Variants in RGPD1 observed in about 807,000 individuals in gnomAD.
RGPD1 encodes the protein RANBP2-like and GRIP domain-containing protein 1.
In RGPD1, 7 loss-of-function variants were observed where a neutral mutation model predicts 40.6. That is an observed-to-expected ratio of 0.17 (90% confidence interval 0.10 to 0.32). The LOEUF (loss-of-function observed/expected upper bound fraction) is 0.32. Among genes scored for constraint, RGPD1 ranks in the 10% least tolerant of loss-of-function variants. The pLI, the probability that RGPD1 is intolerant of heterozygous loss-of-function variation, is 1.00. For synonymous variants in RGPD1, 24 were observed against 167.0 expected, an observed-to-expected ratio of 0.14 and a Z score of 6.60; for missense variants, 50 against 472.5, an observed-to-expected ratio of 0.11 and a Z score of 8.29.
chr2:86,945,070 TTC>T (rs1315634917), intron 1 of RGPD1, among the ~76,000 whole-genome samples: 1 of 151,962 alleles, frequency 6.6e-6, no homozygotes, highest in Non-Finnish European at 1.5e-5. Flanking sequence ...TTTAGAGCCT[TTC>T]TGAGATTCTT....
chr2:86,936,206 CTG>C (rs1558794507), intron 1 of RGPD1, among the ~76,000 whole-genome samples: 1 of 114,160 alleles, frequency 8.8e-6, no homozygotes, highest in African/African-American at 3.0e-5. Context: ...CGGGGTTTCA[CTG>C]TGTTAGCCAG....
intron 1 of RGPD1, among the ~76,000 whole-genome samples, chr2:86,919,973 G>C (rs1454781908): frequency 6.6e-6 from 1 of 151,234 alleles, no homozygotes; most frequent in East Asian, 1.9e-4. Context: ...GTGAGATACT[G>C]TTTTTAAGAG....
intron 22 of RGPD1, among the ~76,000 whole-genome samples, chr2:87,009,319 AAAAG>A (rs1347756263): frequency 8.6e-4 from 17 of 19,838 alleles, no homozygotes; most frequent in African/African-American, 1.5e-3. Context: ...AAAAAAAAAA[AAAAG>A]AGAAAGAAAC....
intron 1 of RGPD1, among the ~76,000 whole-genome samples, chr2:86,944,790 G>A (rs1441502031): frequency 1.3e-5 from 2 of 151,978 alleles, no homozygotes; most frequent in African/African-American, 2.4e-5. Context: ...TCACTGCAGC[G>A]TTGACGTCCT....
At chr2:86,916,305 A>G (rs1677795022) in intron 1 of RGPD1, among the ~76,000 whole-genome samples, 1 of 151,958 alleles carries the variant, frequency 6.6e-6, no homozygotes, top group East Asian at 1.9e-4. Context: ...AGAGCATGTG[A>G]AACATTTTAG....
At chr2:86,943,710 T>C (rs773424428) in intron 1 of RGPD1, among the ~76,000 whole-genome samples, 22 of 152,310 alleles carry the variant, frequency 1.4e-4, no homozygotes, top group Non-Finnish European at 2.4e-4. Flanking sequence ...GTTTTTATTG[T>C]TGATGTTAAA....
intron 1 of RGPD1, among the ~76,000 whole-genome samples, chr2:86,945,041 TAAAAA>T (rs1170415303): frequency 7.2e-6 from 1 of 139,486 alleles, no homozygotes; most frequent in East Asian, 2.1e-4. Flanking sequence ...TAAACAAGCT[TAAAAA>T]AAAAAAAAGC....
At chr2:86,913,800 C>A (rs1161850887), upstream of RGPD1, 16 of 1,499,056 alleles carry the variant, frequency 1.1e-5, no homozygotes, top group Non-Finnish European at 1.4e-5. Flanking sequence ...GCGACTGCTG[C>A]GGGGCTGAGC....
chr2:86,924,540 G>A (rs1340060465), intron 1 of RGPD1, among the ~76,000 whole-genome samples: 4 of 150,418 alleles, frequency 2.7e-5, no homozygotes, highest in East Asian at 2.0e-4. Flanking sequence ...ATCGTAGTTG[G>A]CTGTAATCTC....
chr2:86,914,171 G>T (rs1253771373), intron 1 of RGPD1, among the ~76,000 whole-genome samples: 1 of 78,462 alleles, frequency 1.3e-5, no homozygotes, highest in Non-Finnish European at 2.6e-5. Flanking sequence ...CCTCGGCCTC[G>T]GCCTGGCCGG....
upstream of RGPD1, among the ~76,000 whole-genome samples, chr2:86,942,052 G>T (rs562052933): frequency 6.6e-6 from 1 of 151,640 alleles, no homozygotes; most frequent in South Asian, 2.1e-4. Flanking sequence ...CCAAGAGCCC[G>T]GCCGAGTGCA....
At chr2:86,925,807 C>A (rs1260715976) in intron 1 of RGPD1, among the ~76,000 whole-genome samples, 3 of 152,088 alleles carry the variant, frequency 2.0e-5, no homozygotes, top group Admixed American at 2.0e-4. Flanking sequence ...TGGGCTCCAG[C>A]CATCCTCCCA....
intron 1 of RGPD1, among the ~76,000 whole-genome samples, chr2:86,944,770 G>C (rs575361381): frequency 1.3e-5 from 2 of 152,194 alleles, no homozygotes; most frequent in South Asian, 4.2e-4. Context: ...TGCTGTGGCA[G>C]GATCGTGGCT....
intron 1 of RGPD1, among the ~76,000 whole-genome samples, chr2:86,914,656 CGGCGGCGGCGGCCTCGACCTGGCCG>C (rs1677683470): frequency 1.9e-5 from 1 of 51,784 alleles, no homozygotes; most frequent in African/African-American, 7.3e-5. Context: ...GCGGCGGCGG[CGGCGGCGGCGGCCTCGACCTGGCCG>C]GGCGGCGGCG....
chr2:86,997,102 C>A, intron 21 of RGPD1, among the ~76,000 whole-genome samples: 1 of 149,938 alleles, frequency 6.7e-6, no homozygotes, highest in Non-Finnish European at 1.5e-5. Flanking sequence ...GTCAGTGATA[C>A]TTGGTAAGCT....
chr2:87,000,811 C>T (rs1311773069), intron 22 of RGPD1, among the ~76,000 whole-genome samples: 1 of 8,976 alleles, frequency 1.1e-4, no homozygotes, highest in Non-Finnish European at 1.9e-4. Flanking sequence ...ATTAGCTGGG[C>T]GTGGTGGTGC....
intron 1 of RGPD1, 68 bp downstream of exon 1, chr2:86,942,376 GC>G: frequency 7.0e-7 from 1 of 1,427,036 alleles, no homozygotes; most frequent in African/African-American, 1.5e-5. Context: ...TGGCCGGGCG[GC>G]GGCCTCGACC....
rs1264272740 is a variant in RGPD1 at position 86,931,266 on chromosome 2, C to T, written c.72+17345C>T. Among the ~76,000 whole-genome samples, 5 of 151,934 alleles carry T rather than the reference C, an allele frequency of 3.3e-5. No individual in the cohort carries two copies. The East Asian group carries it at 9.7e-4, about 29-fold the overall frequency. ...CCTTTTTCACTGCTTTCATTACTGA[C>T]CAAACTACTCACCCCCATATTTCTG... On this transcript the variant is annotated intron_variant, in intron 1 of 22. Coordinates refer to the RGPD1 transcript ENST00000398193.
chr2:86,920,270 ATGTGGGCTATGC>A (rs1363010327), intron 1 of RGPD1, among the ~76,000 whole-genome samples: 3 of 151,498 alleles, frequency 2.0e-5, no homozygotes, highest in Non-Finnish European at 2.9e-5. Context: ...GGGTTTTGCC[ATGTGGGCTATGC>A]TGGTTTCAAA....
Sources: allele counts gnomAD v4.1 joint callset (sites outside exome capture counted in the v4.1 genomes callset), GRCh38; gene constraint gnomAD v4.1.1; transcripts MANE v1.5; gene names NCBI Gene and HGNC (gene_info 2026-07-23, HGNC 2026-07-21).